Variants in NUMB observed in about 807,000 individuals in gnomAD.
The protein encoded by NUMB is protein numb homolog.
Under a neutral mutation model 59.7 loss-of-function variants are expected in NUMB, and 29 were observed. The observed-to-expected ratio is 0.49, with a 90% confidence interval of 0.36 to 0.66. The LOEUF (loss-of-function observed/expected upper bound fraction) is 0.66. NUMB is among the 30% of genes least tolerant of loss of function. The pLI, the probability that NUMB is intolerant of heterozygous loss-of-function variation, is 0.00. For synonymous variants in NUMB, 288 were observed against 288.2 expected, an observed-to-expected ratio of 1.00 and a Z score of 0.01; for missense variants, 723 against 822.0, an observed-to-expected ratio of 0.88 and a Z score of 1.47.
intron 6 of NUMB, among the ~76,000 whole-genome samples, chr14:73,311,044 C>CTATTTATT (rs562456821): frequency 6.6e-6 from 1 of 151,874 alleles, no homozygotes; most frequent in Non-Finnish European, 1.5e-5. Context: ...AGGCAATGAG[C>CTATTTATT]TATTTATTTA....
intron 2 of NUMB, among the ~76,000 whole-genome samples, chr14:73,389,286 A>AC (rs1460488301): frequency 3.1e-5 from 3 of 97,922 alleles, no homozygotes; most frequent in African/African-American, 1.4e-4. Flanking sequence ...AAAAAAAAAA[A>AC]AAAAAAACAA....
chr14:73,317,224 G>A (rs1169161442), intron 5 of NUMB, among the ~76,000 whole-genome samples: 1 of 152,220 alleles, frequency 6.6e-6, no homozygotes, highest in Non-Finnish European at 1.5e-5. Context: ...AATGATGTCT[G>A]TGGGCCACAA....
At chr14:73,447,033 A>G (rs531822482) in intron 1 of NUMB, among the ~76,000 whole-genome samples, 4 of 151,768 alleles carry the variant, frequency 2.6e-5, no homozygotes, top group African/African-American at 9.7e-5. Flanking sequence ...CTAAAATACA[A>G]AAAATTAGCT....
chr14:73,290,384 T>C (rs1889313246), intron 8 of NUMB, among the ~76,000 whole-genome samples: 2 of 152,226 alleles, frequency 1.3e-5, no homozygotes, highest in African/African-American at 2.4e-5. Context: ...AATTTAGTAT[T>C]CACAACCACT....
At chr14:73,380,724 GTTT>G (rs759209884) in intron 2 of NUMB, among the ~76,000 whole-genome samples, 1 of 131,216 alleles carries the variant, frequency 7.6e-6, no homozygotes, top group African/African-American at 2.8e-5. Flanking sequence ...TCATCAATTA[GTTT>G]TTTTTTTTTT....
At chr14:73,411,193 G>A (rs940531594) in intron 1 of NUMB, among the ~76,000 whole-genome samples, 4 of 145,178 alleles carry the variant, frequency 2.8e-5, no homozygotes, top group East Asian at 2.2e-4. Context: ...CATCATGACC[G>A]GCTAATTTTT....
intron 2 of NUMB, among the ~76,000 whole-genome samples, chr14:73,372,437 C>G (rs1215368688): frequency 7.1e-6 from 1 of 140,908 alleles, no homozygotes; most frequent in Non-Finnish European, 1.5e-5. Context: ...ATATGTATAT[C>G]TATATGAAAA....
intron 7 of NUMB, among the ~76,000 whole-genome samples, chr14:73,296,267 A>C (rs1889762549): frequency 6.6e-6 from 1 of 152,092 alleles, no homozygotes; most frequent in African/African-American, 2.4e-5. Context: ...ACATGGTGAA[A>C]CCTCATCTGT....
intron 2 of NUMB, among the ~76,000 whole-genome samples, chr14:73,395,577 T>C (rs898774501): frequency 3.9e-5 from 6 of 152,062 alleles, no homozygotes; most frequent in Non-Finnish European, 7.4e-5. Flanking sequence ...GCCGTGATCA[T>C]ACCACTGCAC....
intron 6 of NUMB, among the ~76,000 whole-genome samples, chr14:73,315,209 G>A (rs1439022473): frequency 2.0e-5 from 3 of 152,126 alleles, no homozygotes; most frequent in Admixed American, 6.6e-5. Context: ...AGAAGGAAAT[G>A]TAAATTATTT....
intron 1 of NUMB, among the ~76,000 whole-genome samples, chr14:73,442,326 T>C (rs1040697835): frequency 1.3e-5 from 2 of 152,052 alleles, no homozygotes; most frequent in East Asian, 1.9e-4. Flanking sequence ...TAAGCAATGA[T>C]TGCACCACTG....
chr14:73,367,774 CAAA>C (rs11463575), intron 2 of NUMB, among the ~76,000 whole-genome samples: 6 of 111,848 alleles, frequency 5.4e-5, no homozygotes, highest in Admixed American at 2.1e-4. Context: ...GACCCTGTTT[CAAA>C]AAAAAAAAAA....
intron 2 of NUMB, among the ~76,000 whole-genome samples, chr14:73,389,288 A>AC (rs1382159176): frequency 7.7e-5 from 7 of 91,290 alleles, no homozygotes; most frequent in South Asian, 3.6e-4. Context: ...AAAAAAAAAA[A>AC]AAAAACAAAA....
chr14:73,400,894 C>A (rs1896378161), intron 2 of NUMB, among the ~76,000 whole-genome samples: 1 of 152,154 alleles, frequency 6.6e-6, no homozygotes, highest in African/African-American at 2.4e-5. Flanking sequence ...CTTTGTAATA[C>A]CCTTTATGAT....
chr14:73,379,933 G>C (rs1425580597), intron 2 of NUMB, among the ~76,000 whole-genome samples: 2 of 152,176 alleles, frequency 1.3e-5, no homozygotes, highest in Non-Finnish European at 2.9e-5. Context: ...CTGAGAGTAG[G>C]AATAACGAGA....
At position 73,276,878 on chromosome 14, in the gene NUMB, C is replaced by CTGAT; in HGVS notation, c.1652_1655dup (p.Pro554ValfsTer25). The CTGAT allele has an allele frequency of 6.2e-7, 1 of 1,614,056 alleles. No homozygotes were observed. Among genetic ancestry groups the CTGAT allele is most frequent in the Non-Finnish European group, 8.5e-7 (1 of 1,179,936 alleles). ...TCTGCTGCCTGACCAGGCTGGGTGA[C>CTGAT]TGATGGGGATGGGCAGCCTGAGGGT... On this transcript the variant is annotated frameshift_variant, in exon 13 of 13. Coordinates refer to ENST00000555238, the MANE Select transcript of NUMB (RefSeq NM_001005743.2). LOFTEE classifies it high-confidence loss of function.
In NUMB at chr14:73,405,325, T is replaced by G. The variant is rs181368255; in HGVS notation, c.-101+4612A>C. Among the ~76,000 whole-genome samples, 750 of 151,664 alleles carry G rather than the reference T, an allele frequency of 4.9e-3. 5 individuals are homozygous for G. Among genetic ancestry groups the G allele is most frequent in the Non-Finnish European group, 8.0e-3 (541 of 67,978 alleles). On this transcript the variant is annotated intron_variant, in intron 2 of 12. Coordinates refer to ENST00000555238, the MANE Select transcript of NUMB (RefSeq NM_001005743.2). Reference sequence around the variant, plus strand: ...TAAAACCCAGAAGTGAGCACAATGGTGCAGGCAGAGAGAGAAACAGAACCC... The same window carrying G: ...TAAAACCCAGAAGTGAGCACAATGGGGCAGGCAGAGAGAGAAACAGAACCC...
chr14:73,447,940 G>A (rs1883652696), intron 1 of NUMB, among the ~76,000 whole-genome samples: 1 of 151,832 alleles, frequency 6.6e-6, no homozygotes, highest in South Asian at 2.1e-4. Flanking sequence ...GGGACAACAG[G>A]CATGCACCAC....
chr14:73,433,317 G>A (rs903702476), intron 1 of NUMB, among the ~76,000 whole-genome samples: 3 of 152,128 alleles, frequency 2.0e-5, no homozygotes, highest in Admixed American at 2.0e-4. Context: ...AGCTACTTGG[G>A]AGGCTGAAGC....
Sources: allele counts gnomAD v4.1 joint callset (sites outside exome capture counted in the v4.1 genomes callset), GRCh38; gene constraint gnomAD v4.1.1; transcripts MANE v1.5; gene names NCBI Gene and HGNC (gene_info 2026-07-23, HGNC 2026-07-21).